The following CLVS1 variants were observed in gnomAD, a reference collection of about 807,000 sequenced individuals.
The protein encoded by CLVS1 is clavesin 1.
CLVS1 carries 10 observed loss-of-function variants against 33.1 expected under a neutral mutation model. The ratio of observed to expected loss-of-function variants is 0.30; its 90% CI spans 0.19 to 0.51. CLVS1 has a LOEUF of 0.51. Ranked by LOEUF, CLVS1 falls within the 20% of genes least tolerant of loss-of-function variation. CLVS1 has a pLI of 0.97. For missense variants in CLVS1, 343 were observed against 433.4 expected, an observed-to-expected ratio of 0.79 and a Z score of 1.85; for synonymous variants, 163 against 166.1, an observed-to-expected ratio of 0.98 and a Z score of 0.14.
chr8:61,430,731 G>A lies in CLVS1; in HGVS notation c.631-23410G>A, dbSNP rs181061090. ...GGTTCAGTGTGTGCCAATGTGTTAT[G>A]CTGTGCCCTAATCTCAGACAAATAT... On this transcript the variant is annotated intron_variant, in intron 3 of 5. Coordinates refer to ENST00000325897, the MANE Select transcript of CLVS1 (RefSeq NM_173519.3). Among the ~76,000 whole-genome samples, 174 of 152,270 alleles carry A rather than the reference G, an allele frequency of 1.1e-3. 1 individual carries two copies. The highest frequency in any genetic ancestry group is 0.01 in the Admixed American group (155 of 15,286).
intron 1 of CLVS1, among the ~76,000 whole-genome samples, chr8:61,119,142 C>G (rs553968487): frequency 2.0e-5 from 3 of 152,256 alleles, no homozygotes; most frequent in African/African-American, 7.2e-5. Context: ...TTCTTTGTCT[C>G]TTTTGATCTT....
chr8:61,204,840 C>A (rs1390394316), intron 2 of CLVS1, among the ~76,000 whole-genome samples: 5 of 152,104 alleles, frequency 3.3e-5, no homozygotes. Context: ...AAATCCATAC[C>A]CATTCCCCCA....
At chr8:60,989,013 G>A in the CLVS1 span, among the ~76,000 whole-genome samples, 1 of 151,320 alleles carries the variant, frequency 6.6e-6, no homozygotes, top group Non-Finnish European at 1.5e-5. Context: ...TACAGGTGTG[G>A]GCCACCATGC....
At chr8:61,421,236 G>A (rs976013240) in intron 3 of CLVS1, among the ~76,000 whole-genome samples, 1 of 152,078 alleles carries the variant, frequency 6.6e-6, no homozygotes, top group Non-Finnish European at 1.5e-5. Flanking sequence ...ATGGACTGAG[G>A]GGCTGTAAAT....
intron 3 of CLVS1, among the ~76,000 whole-genome samples, chr8:61,381,725 T>C (rs1813887236): frequency 6.6e-6 from 1 of 152,204 alleles, no homozygotes; most frequent in Non-Finnish European, 1.5e-5. Context: ...TTGCTTAAAA[T>C]TATGGCCTCC....
At chr8:61,386,912 T>C (rs569646387) in intron 3 of CLVS1, among the ~76,000 whole-genome samples, 2 of 152,306 alleles carry the variant, frequency 1.3e-5, no homozygotes, top group South Asian at 4.1e-4. Context: ...AAAATAAGAA[T>C]ATGAAAAAGA....
the CLVS1 span, among the ~76,000 whole-genome samples, chr8:61,047,982 C>T: frequency 6.6e-6 from 1 of 152,068 alleles, no homozygotes; most frequent in Non-Finnish European, 1.5e-5. Flanking sequence ...ATTAATGACA[C>T]ACACAAAGAA....
the CLVS1 span, among the ~76,000 whole-genome samples, chr8:60,981,179 G>A: frequency 6.6e-6 from 1 of 152,088 alleles, no homozygotes; most frequent in Admixed American, 6.5e-5. Flanking sequence ...ATTAACACAG[G>A]AACAAAAAAC....
intron 1 of CLVS1, among the ~76,000 whole-genome samples, chr8:61,067,702 C>G (rs1019039314): frequency 6.6e-6 from 1 of 151,976 alleles, no homozygotes; most frequent in Admixed American, 6.6e-5. Context: ...AGACCATATC[C>G]TAAGTGAATT....
At chr8:61,242,866 C>T (rs1243253868) in intron 2 of CLVS1, among the ~76,000 whole-genome samples, 2 of 152,080 alleles carry the variant, frequency 1.3e-5, no homozygotes, top group Non-Finnish European at 2.9e-5. Flanking sequence ...TCCTTTCTTT[C>T]ATTGTGAACA....
the CLVS1 span, among the ~76,000 whole-genome samples, chr8:60,992,949 C>T: frequency 6.6e-6 from 1 of 152,176 alleles, no homozygotes; most frequent in Non-Finnish European, 1.5e-5. Context: ...CCTGTCAGGG[C>T]CTGGATTGCC....
At chr8:61,173,472 G>A (rs1016555566) in intron 2 of CLVS1, among the ~76,000 whole-genome samples, 3 of 152,176 alleles carry the variant, frequency 2.0e-5, no homozygotes, top group Non-Finnish European at 4.4e-5. Context: ...ACTTTTGGAT[G>A]TAGGCATTTA....
At chr8:61,022,787 G>A in the CLVS1 span, among the ~76,000 whole-genome samples, 1 of 152,132 alleles carries the variant, frequency 6.6e-6, no homozygotes, top group South Asian at 2.1e-4. Flanking sequence ...AATAGAGAGT[G>A]GTACACAGAC....
chr8:61,160,457 C>A (rs936474196), intron 2 of CLVS1, among the ~76,000 whole-genome samples: 21 of 152,206 alleles, frequency 1.4e-4, no homozygotes, highest in Admixed American at 7.9e-4. Flanking sequence ...CCAACTCTGG[C>A]AGCCCAGGGG....
At chr8:61,350,384 T>G (rs745963314) in intron 2 of CLVS1, among the ~76,000 whole-genome samples, 6 of 152,186 alleles carry the variant, frequency 3.9e-5, no homozygotes, top group Non-Finnish European at 5.9e-5. Context: ...CCAAGTGAGC[T>G]ATTTCTCTTA....
intron 2 of CLVS1, among the ~76,000 whole-genome samples, chr8:61,273,108 C>T (rs1370038071): frequency 1.3e-5 from 2 of 150,232 alleles, no homozygotes; most frequent in African/African-American, 2.5e-5. Context: ...TGTTTTTTCC[C>T]CATCTTTGTG....
At chr8:61,202,939 A>G (rs2129305438) in intron 2 of CLVS1, 2 of 1,413,194 alleles carry the variant, frequency 1.4e-6, no homozygotes, top group South Asian at 1.1e-5. Context: ...TATACAAGAT[A>G]CTCCAGCCAA....
chr8:61,481,424 G>A (rs1423460181), intron 5 of CLVS1, among the ~76,000 whole-genome samples: 4 of 152,164 alleles, frequency 2.6e-5, no homozygotes, highest in Non-Finnish European at 5.9e-5. Context: ...GAAGCGCAAG[G>A]GGTCAGAGGA....
At chr8:61,210,147 A>G (rs1288289749) in intron 2 of CLVS1, among the ~76,000 whole-genome samples, 4 of 152,212 alleles carry the variant, frequency 2.6e-5, no homozygotes, top group African/African-American at 7.2e-5. Context: ...CCATGTTGGA[A>G]CTAAATGTCA....
Sources: gnomAD v4.1 joint callset for allele counts (sites outside exome capture counted in the v4.1 genomes callset) on GRCh38, gnomAD v4.1.1 for gene constraint, MANE v1.5 for transcripts, NCBI Gene and HGNC (gene_info 2026-07-23, HGNC 2026-07-21) for gene names.